LRRIQ3: variants seen among roughly 807,000 people sequenced by gnomAD.
LRRIQ3 encodes the protein leucine rich repeats and IQ motif containing 3, also known as leucine-rich repeat and IQ domain-containing protein 3.
In LRRIQ3, 75 loss-of-function variants were observed where a neutral mutation model predicts 59.3. That is an observed-to-expected ratio of 1.26 (90% CI 1.05 to 1.53). The LOEUF is 1.53. Among genes scored for constraint, LRRIQ3 ranks in the 40% most tolerant of loss-of-function variants. LRRIQ3 has a pLI of 0.00. For synonymous variants in LRRIQ3, 250 were observed against 231.3 expected (o/e 1.08, Z -0.73); for missense variants, 831 against 710.0 (o/e 1.17, Z -1.94).
chr1:74,071,454 G>A (rs759881792), intron 6 of LRRIQ3, among the ~76,000 whole-genome samples: 16 of 152,096 alleles, frequency 1.1e-4, no homozygotes, highest in Non-Finnish European at 1.6e-4. Context: ...ACTTGCCTCC[G>A]TTGGAAGTAA....
intron 4 of LRRIQ3, chr1:74,138,325 A>G (rs141646530): frequency 5.3e-6 from 1 of 188,444 alleles, no homozygotes; most frequent in African/African-American, 2.4e-5. Flanking sequence ...ATCACAGCTC[A>G]TAATTATCCC....
chr1:74,108,700 A>C (rs962018206), intron 5 of LRRIQ3, among the ~76,000 whole-genome samples: 3 of 151,836 alleles, frequency 2.0e-5, no homozygotes, highest in Admixed American at 6.6e-5. Context: ...TATAATGCTA[A>C]GTATTCATTT....
At chr1:74,159,279 C>A (rs1648524800) in intron 3 of LRRIQ3, among the ~76,000 whole-genome samples, 1 of 152,048 alleles carries the variant, frequency 6.6e-6, no homozygotes, top group Non-Finnish European at 1.5e-5. Context: ...TTTTAGCTGA[C>A]AAATTATTCT....
intron 1 of LRRIQ3, among the ~76,000 whole-genome samples, chr1:74,192,323 T>C (rs1650818720): frequency 6.6e-6 from 1 of 152,112 alleles, no homozygotes; most frequent in South Asian, 2.1e-4. Context: ...ATTTGGAGTA[T>C]GAATGAATTT....
intron 5 of LRRIQ3, among the ~76,000 whole-genome samples, chr1:74,079,587 A>G (rs562177474): frequency 6.6e-6 from 1 of 151,874 alleles, no homozygotes; most frequent in Non-Finnish European, 1.5e-5. Flanking sequence ...GTAGGTTAAG[A>G]TTTGTTTTGT....
At chr1:74,031,433 CA>C (rs1557584920) in intron 7 of LRRIQ3, among the ~76,000 whole-genome samples, 1 of 151,800 alleles carries the variant, frequency 6.6e-6, no homozygotes, top group Non-Finnish European at 1.5e-5. Context: ...TATGCAGCCA[CA>C]AAAAATGATG....
intron 4 of LRRIQ3, among the ~76,000 whole-genome samples, chr1:74,153,422 C>T (rs375632526): frequency 6.6e-6 from 1 of 152,142 alleles, no homozygotes; most frequent in Non-Finnish European, 1.5e-5. Context: ...ACTAATCACT[C>T]GGACCCTAGG....
chr1:74,089,776 T>C (rs773004405), intron 5 of LRRIQ3, among the ~76,000 whole-genome samples: 10 of 152,076 alleles, frequency 6.6e-5, no homozygotes, highest in Non-Finnish European at 1.3e-4. Context: ...TTTGTGAATA[T>C]ACTAAAAACA....
intron 7 of LRRIQ3, among the ~76,000 whole-genome samples, chr1:74,030,173 T>C (rs1180005935): frequency 6.6e-6 from 1 of 151,996 alleles, no homozygotes; most frequent in Non-Finnish European, 1.5e-5. Context: ...AGAATCAATA[T>C]CATGAAAATG....
At chr1:74,114,440 T>G (rs1339790008) in intron 4 of LRRIQ3, among the ~76,000 whole-genome samples, 2 of 151,928 alleles carry the variant, frequency 1.3e-5, no homozygotes, top group Non-Finnish European at 2.9e-5. Flanking sequence ...AGTTAAAGTG[T>G]ATATTGTAAG....
intron 6 of LRRIQ3, among the ~76,000 whole-genome samples, chr1:74,056,002 G>A (rs926397615): frequency 1.3e-5 from 2 of 151,572 alleles, no homozygotes; most frequent in Admixed American, 1.3e-4. Flanking sequence ...AAAATTAGCC[G>A]GGTGTGGTGG....
intron 5 of LRRIQ3, among the ~76,000 whole-genome samples, chr1:74,096,909 G>A (rs754804552): frequency 1.4e-4 from 21 of 152,238 alleles, no homozygotes; most frequent in Non-Finnish European, 2.8e-4. Context: ...TCCTCTGGAA[G>A]CTTCGTCTCA....
intron 7 of LRRIQ3, among the ~76,000 whole-genome samples, chr1:74,031,871 T>A (rs1653729243): frequency 6.6e-6 from 1 of 152,028 alleles, no homozygotes; most frequent in South Asian, 2.1e-4. Flanking sequence ...AATCAAGTGA[T>A]TCCACTTACA....
rs1372055653 is a variant in LRRIQ3 at position 74,183,522 on chromosome 1, A to G, written c.163T>C (p.Cys55Arg). ...NLQSCISLRV[C>R]IFSNNFITDI... ...GTAATAAAATTGTTTGAGAAGATGC[A>G]TACTCTAAGAGAGATGCAAGACTGC... The change falls in exon 2 of 8, where the codon TGC becomes CGC. Residue 55 changes from cysteine (C) to arginine (R), a missense_variant. Physicochemically the swap from Cys to Arg is radical, Grantham distance 180 (BLOSUM62 -3). Coordinates refer to ENST00000354431, the MANE Select transcript of LRRIQ3 (RefSeq NM_001105659.2). The G allele has an allele frequency of 1.9e-6, 3 of 1,611,452 alleles. No individual in the cohort carries two copies. Among genetic ancestry groups the G allele is most frequent in the Non-Finnish European group, 2.5e-6 (3 of 1,178,554 alleles).
chr1:74,132,320 T>C (rs1647037190), intron 4 of LRRIQ3, among the ~76,000 whole-genome samples: 1 of 152,160 alleles, frequency 6.6e-6, no homozygotes. Flanking sequence ...ATAGATTCAA[T>C]GCCATCCCCA....
At chr1:74,196,985 T>C (rs942601847) in intron 1 of LRRIQ3, among the ~76,000 whole-genome samples, 3 of 152,232 alleles carry the variant, frequency 2.0e-5, no homozygotes, top group African/African-American at 4.8e-5. Flanking sequence ...ATTCTTCCTA[T>C]GGCCCTTTGT....
At chr1:74,035,357 TTAA>T (rs1464141521) in intron 7 of LRRIQ3, among the ~76,000 whole-genome samples, 1 of 152,114 alleles carries the variant, frequency 6.6e-6, no homozygotes. Flanking sequence ...GATTTATTCT[TTAA>T]TGAGTTAAAT....
intron 4 of LRRIQ3, among the ~76,000 whole-genome samples, chr1:74,115,069 G>T (rs1646760290): frequency 6.6e-6 from 1 of 151,818 alleles, no homozygotes; most frequent in African/African-American, 2.4e-5. Context: ...CTGAAAGAAA[G>T]TAAACTCATA....
At chr1:74,157,957 A>G (rs1419938024) in intron 3 of LRRIQ3, among the ~76,000 whole-genome samples, 1 of 152,028 alleles carries the variant, frequency 6.6e-6, no homozygotes, top group Non-Finnish European at 1.5e-5. Context: ...TTCTTTCCCA[A>G]CCTGCTTTCT....
Sources: allele counts gnomAD v4.1 joint callset (sites outside exome capture counted in the v4.1 genomes callset), GRCh38; gene constraint gnomAD v4.1.1; transcripts MANE v1.5; gene names NCBI Gene and HGNC (gene_info 2026-07-23, HGNC 2026-07-21).